The following SRD5A2 variants were observed in gnomAD, a reference collection of about 807,000 sequenced individuals.
SRD5A2 encodes 3-oxo-5-alpha-steroid 4-dehydrogenase 2.
SRD5A2 carries 30 observed loss-of-function variants against 27.4 expected under a neutral mutation model. The ratio of observed to expected loss-of-function variants is 1.10; its 90% confidence interval spans 0.82 to 1.49. The LOEUF (loss-of-function observed/expected upper bound fraction) is 1.49. Ranked by LOEUF, SRD5A2 falls within the 40% of genes most tolerant of loss-of-function variation. The pLI is 0.00. For missense variants in SRD5A2, 348 were observed against 323.4 expected (o/e 1.08, Z -0.58); for synonymous variants, 141 against 133.6 (o/e 1.06, Z -0.38).
At chr2:31,647,016 G>T in the SRD5A2 span, among the ~76,000 whole-genome samples, 3 of 151,506 alleles carry the variant, frequency 2.0e-5, no homozygotes, top group South Asian at 4.2e-4. Context: ...GTCATGGTGG[G>T]CGCCTGTAAT....
chr2:31,601,397 A>G, the SRD5A2 span, among the ~76,000 whole-genome samples: 1 of 152,076 alleles, frequency 6.6e-6, no homozygotes, highest in South Asian at 2.1e-4. Context: ...TAGACCAAAA[A>G]TGAGTTCTGA....
intron 1 of SRD5A2, 113 bp downstream of exon 1, chr2:31,580,507 A>G (rs961824599): frequency 1.5e-6 from 2 of 1,314,398 alleles, no homozygotes; most frequent in African/African-American, 1.5e-5. Context: ...CGTTCCTCAC[A>G]GCGCCCCACG....
chr2:31,541,425 C>T (rs891139192), intron 1 of SRD5A2, among the ~76,000 whole-genome samples: 1 of 151,418 alleles, frequency 6.6e-6, no homozygotes, highest in African/African-American at 2.4e-5. Context: ...GAAACTGCCC[C>T]TGAAAAAGAC....
intron 1 of SRD5A2, among the ~76,000 whole-genome samples, chr2:31,560,674 C>T (rs1011429636): frequency 6.6e-6 from 1 of 152,120 alleles, no homozygotes; most frequent in African/African-American, 2.4e-5. Context: ...CTCCTTTAAA[C>T]CTCTTTCCCC....
the SRD5A2 span, among the ~76,000 whole-genome samples, chr2:31,606,484 T>C: frequency 6.6e-6 from 1 of 151,906 alleles, no homozygotes; most frequent in Non-Finnish European, 1.5e-5. Context: ...TGGGGGAGTC[T>C]CAAACATGAA....
chr2:31,547,818 T>C (rs1015574377), intron 1 of SRD5A2, among the ~76,000 whole-genome samples: 1 of 152,152 alleles, frequency 6.6e-6, no homozygotes, highest in Non-Finnish European at 1.5e-5. Context: ...AGTGAGTCAA[T>C]TCCCCTAATA....
intron 4 of SRD5A2, chr2:31,527,529 A>G (rs1665809386): frequency 2.0e-5 from 3 of 152,138 alleles, no homozygotes; most frequent in Admixed American, 1.3e-4. Context: ...TGAGGCCTCA[A>G]TTTGGGTTTT....
At chr2:31,569,762 G>A (rs1666815899) in intron 1 of SRD5A2, among the ~76,000 whole-genome samples, 1 of 150,986 alleles carries the variant, frequency 6.6e-6, no homozygotes, top group South Asian at 2.1e-4. Context: ...TCATAGACCT[G>A]AAATTAAAAC....
At chr2:31,587,281 T>C in the SRD5A2 span, among the ~76,000 whole-genome samples, 1 of 152,130 alleles carries the variant, frequency 6.6e-6, no homozygotes, top group Non-Finnish European at 1.5e-5. Flanking sequence ...TGTGGAGAAA[T>C]AGGAATGCTT....
chr2:31,610,308 C>T, the SRD5A2 span, among the ~76,000 whole-genome samples: 43 of 152,070 alleles, frequency 2.8e-4, no homozygotes, highest in Non-Finnish European at 5.7e-4. Flanking sequence ...TTCATCAGGA[C>T]GTTACCAACA....
intron 1 of SRD5A2, among the ~76,000 whole-genome samples, chr2:31,534,774 T>C (rs1399694664): frequency 6.6e-6 from 1 of 152,160 alleles, no homozygotes; most frequent in African/African-American, 2.4e-5. Context: ...GGAACACCCA[T>C]CCTTCAAAGT....
chr2:31,573,504 C>T (rs1243767502), intron 1 of SRD5A2, among the ~76,000 whole-genome samples: 3 of 152,140 alleles, frequency 2.0e-5, no homozygotes, highest in South Asian at 2.1e-4. Flanking sequence ...CGGGAAGTAC[C>T]CCAAGTTGCA....
At chr2:31,626,669 A>C in the SRD5A2 span, among the ~76,000 whole-genome samples, 1 of 151,900 alleles carries the variant, frequency 6.6e-6, no homozygotes, top group African/African-American at 2.4e-5. Context: ...TATTGATCTG[A>C]GTATGTTGAA....
chr2:31,542,984 A>T (rs1195070095), intron 1 of SRD5A2, among the ~76,000 whole-genome samples: 4 of 152,212 alleles, frequency 2.6e-5, no homozygotes, highest in African/African-American at 9.6e-5. Flanking sequence ...ATAGATACCC[A>T]CATGGATATA....
the SRD5A2 span, among the ~76,000 whole-genome samples, chr2:31,646,884 G>A: frequency 5.3e-4 from 81 of 152,104 alleles, no homozygotes; most frequent in Non-Finnish European, 1.6e-4. Context: ...CAGTGGCTCA[G>A]GCCTATAATC....
At chr2:31,599,526 C>T in the SRD5A2 span, among the ~76,000 whole-genome samples, 1 of 151,768 alleles carries the variant, frequency 6.6e-6, no homozygotes, top group Non-Finnish European at 1.5e-5. Context: ...TATACAAATA[C>T]GTGGAAATTA....
chr2:31,596,961 C>A, the SRD5A2 span, among the ~76,000 whole-genome samples: 1 of 151,996 alleles, frequency 6.6e-6, no homozygotes, highest in African/African-American at 2.4e-5. Flanking sequence ...ATCAAAATAC[C>A]ACCATCATTT....
At chr2:31,636,356 G>A in the SRD5A2 span, among the ~76,000 whole-genome samples, 1 of 151,986 alleles carries the variant, frequency 6.6e-6, no homozygotes, top group African/African-American at 2.4e-5. Flanking sequence ...GCATATAAAT[G>A]CACTGATTTC....
the SRD5A2 span, among the ~76,000 whole-genome samples, chr2:31,652,029 G>A: frequency 2.0e-5 from 3 of 152,176 alleles, no homozygotes; most frequent in Non-Finnish European, 2.9e-5. Flanking sequence ...GGAGTGCAGT[G>A]AGGACTGCAG....
Sources: gnomAD v4.1 joint callset for allele counts (sites outside exome capture counted in the v4.1 genomes callset) on GRCh38, gnomAD v4.1.1 for gene constraint, MANE v1.5 for transcripts, NCBI Gene and HGNC (gene_info 2026-07-23, HGNC 2026-07-21) for gene names.